The following LRMDA variants were observed in gnomAD, a reference collection of about 807,000 sequenced individuals.
The protein encoded by LRMDA is leucine rich melanocyte differentiation associated, also known as leucine-rich melanocyte differentiation-associated protein.
LRMDA carries 18 observed loss-of-function variants against 29.8 expected under a neutral mutation model. The ratio of observed to expected loss-of-function variants is 0.60; its 90% CI spans 0.42 to 0.90. The LOEUF (loss-of-function observed/expected upper bound fraction) is 0.90, where lower values mean the gene tolerates loss of function less well. Ranked by LOEUF, LRMDA falls within the 40% of genes least tolerant of loss-of-function variation. The pLI is 0.00. For synonymous variants in LRMDA, 125 were observed against 109.4 expected, an observed-to-expected ratio of 1.14 and a Z score of -0.89; for missense variants, 273 against 273.9, an observed-to-expected ratio of 1.00 and a Z score of 0.02.
chr10:76,197,602 A>G (rs753567566), intron 5 of LRMDA, among the ~76,000 whole-genome samples: 32 of 152,128 alleles, frequency 2.1e-4, no homozygotes, highest in Non-Finnish European at 4.0e-4. Flanking sequence ...CAGCCCTTCC[A>G]CAATAAAGAA....
At chr10:75,756,518 G>A (rs1414672158) in intron 2 of LRMDA, among the ~76,000 whole-genome samples, 1 of 152,172 alleles carries the variant, frequency 6.6e-6, no homozygotes, top group East Asian at 1.9e-4. Context: ...GAAATAAACT[G>A]ACTTGCTCCG....
chr10:75,491,366 C>A (rs760016320), intron 2 of LRMDA, among the ~76,000 whole-genome samples: 13 of 152,260 alleles, frequency 8.5e-5, no homozygotes, highest in Non-Finnish European at 1.6e-4. Flanking sequence ...AGAGGTAATC[C>A]TTTCTGATGT....
chr10:75,594,275 C>T (rs961161002), intron 2 of LRMDA, among the ~76,000 whole-genome samples: 1 of 152,142 alleles, frequency 6.6e-6, no homozygotes, highest in Non-Finnish European at 1.5e-5. Context: ...GCTCAGTGAA[C>T]GGTAGTTGGT....
At chr10:75,977,088 A>G (rs1196582021) in intron 2 of LRMDA, among the ~76,000 whole-genome samples, 1 of 150,598 alleles carries the variant, frequency 6.6e-6, no homozygotes, top group East Asian at 1.9e-4. Context: ...ACTTTATACT[A>G]GATAGAGCCC....
intron 2 of LRMDA, among the ~76,000 whole-genome samples, chr10:75,463,749 C>T (rs184186690): frequency 1.3e-5 from 2 of 152,198 alleles, no homozygotes; most frequent in African/African-American, 4.8e-5. Flanking sequence ...CTCACTGCAA[C>T]CTTTGCCTCC....
At chr10:75,481,385 G>A (rs1208145451) in intron 2 of LRMDA, among the ~76,000 whole-genome samples, 1 of 152,148 alleles carries the variant, frequency 6.6e-6, no homozygotes, top group Non-Finnish European at 1.5e-5. Flanking sequence ...GTCACATGCT[G>A]CAAAGAGGAA....
chr10:75,986,345 A>G (rs1335579923), intron 2 of LRMDA, among the ~76,000 whole-genome samples: 2 of 152,234 alleles, frequency 1.3e-5, no homozygotes, highest in African/African-American at 2.4e-5. Context: ...CTGGAATACC[A>G]GGATTGACTT....
intron 2 of LRMDA, among the ~76,000 whole-genome samples, chr10:75,729,237 G>A (rs1188084478): frequency 2.0e-5 from 3 of 152,222 alleles, no homozygotes; most frequent in African/African-American, 7.2e-5. Context: ...AATGAGTGAA[G>A]GTGTTTACAT....
At chr10:75,656,789 C>T (rs1190436177) in intron 2 of LRMDA, among the ~76,000 whole-genome samples, 1 of 152,176 alleles carries the variant, frequency 6.6e-6, no homozygotes, top group African/African-American at 2.4e-5. Flanking sequence ...TTATATATCA[C>T]CATCCGGAAT....
At chr10:76,167,564 G>C (rs1320098082) in intron 5 of LRMDA, among the ~76,000 whole-genome samples, 1 of 152,164 alleles carries the variant, frequency 6.6e-6, no homozygotes, top group Non-Finnish European at 1.5e-5. Context: ...GATAGTTGTA[G>C]ATATGTGGCC....
At chr10:76,298,962 G>T (rs1438624656) in intron 5 of LRMDA, among the ~76,000 whole-genome samples, 1 of 152,088 alleles carries the variant, frequency 6.6e-6, no homozygotes, top group Non-Finnish European at 1.5e-5. Context: ...TGGGGAGTGG[G>T]TATTGTTGGT....
chr10:76,237,483 T>C (rs968696630), intron 5 of LRMDA, among the ~76,000 whole-genome samples: 11 of 152,208 alleles, frequency 7.2e-5, no homozygotes, highest in Non-Finnish European at 8.8e-5. Flanking sequence ...CTGATTACAC[T>C]AAGAGAACAT....
At chr10:76,090,517 T>A (rs896856535) in intron 5 of LRMDA, among the ~76,000 whole-genome samples, 1 of 152,234 alleles carries the variant, frequency 6.6e-6, no homozygotes, top group African/African-American at 2.4e-5. Context: ...ATCCGGCAAT[T>A]CTGCTTCTGA....
chr10:75,594,140 AGGGTGCCCC>A (rs748094262), intron 2 of LRMDA, among the ~76,000 whole-genome samples: 5 of 152,198 alleles, frequency 3.3e-5, no homozygotes, highest in Non-Finnish European at 5.9e-5. Context: ...ATGTAGCATC[AGGGTGCCCC>A]GGGTGCCCCT....
intron 3 of LRMDA, among the ~76,000 whole-genome samples, chr10:76,041,587 T>A (rs1848339585): frequency 6.6e-6 from 1 of 152,226 alleles, no homozygotes; most frequent in Non-Finnish European, 1.5e-5. Context: ...AACCCGCAGC[T>A]GAGCCCAGAG....
intron 2 of LRMDA, among the ~76,000 whole-genome samples, chr10:75,628,899 C>A (rs946184459): frequency 3.3e-5 from 5 of 152,214 alleles, no homozygotes; most frequent in Admixed American, 3.3e-4. Context: ...GCATCACTGC[C>A]TTAGAGTACC....
At chr10:75,701,143 G>C (rs1842303768) in intron 2 of LRMDA, among the ~76,000 whole-genome samples, 1 of 152,186 alleles carries the variant, frequency 6.6e-6, no homozygotes, top group African/African-American at 2.4e-5. Context: ...AGGCCTTTGT[G>C]GTGGGCTGTG....
In LRMDA at chr10:76,509,765, T is replaced by A. The variant is rs1842991082; in HGVS notation, c.602-47444T>A. ...TTGTTGGGATGGTTCCCTTTCAGCC[T>A]CGTGGTAAGTACAACACTCAGGTCA... On this transcript the variant is annotated intron_variant, in intron 6 of 6. Coordinates refer to ENST00000611255, the MANE Select transcript of LRMDA (RefSeq NM_001305581.2). Among the ~76,000 whole-genome samples the A allele has an allele frequency of 2.0e-5, 3 of 152,288 alleles. No homozygotes were observed. In the South Asian group the frequency reaches 6.2e-4, roughly 32 times the overall value.
chr10:75,798,029 A>C (rs1843683177), intron 2 of LRMDA, among the ~76,000 whole-genome samples: 1 of 152,122 alleles, frequency 6.6e-6, no homozygotes, highest in Non-Finnish European at 1.5e-5. Context: ...GTGACAGTGT[A>C]TTTCATTGTA....
Sources: gnomAD v4.1 joint callset for allele counts (sites outside exome capture counted in the v4.1 genomes callset) on GRCh38, gnomAD v4.1.1 for gene constraint, MANE v1.5 for transcripts, NCBI Gene and HGNC (gene_info 2026-07-23, HGNC 2026-07-21) for gene names.